The following TSPEAR variants were observed in gnomAD, a reference collection of about 807,000 sequenced individuals.
The protein encoded by TSPEAR is thrombospondin type laminin G domain and EAR repeats, also known as thrombospondin-type laminin G domain and EAR repeat-containing protein.
Under a neutral mutation model 71.6 loss-of-function variants are expected in TSPEAR, and 69 were observed. That is an observed-to-expected ratio of 0.96 (90% confidence interval 0.79 to 1.18). TSPEAR has a LOEUF of 1.18. TSPEAR is among the 50% of genes most tolerant of loss of function. The pLI is 0.00. For synonymous variants in TSPEAR, 402 were observed against 387.2 expected (o/e 1.04, Z -0.45); for missense variants, 971 against 894.9 (o/e 1.09, Z -1.09).
intron 1 of TSPEAR, chr21:44,677,136 T>G: frequency 1.4e-6 from 1 of 714,916 alleles, no homozygotes. Flanking sequence ...CCAGATCAAC[T>G]ATCATGTTGT....
At position 44,607,562 on chromosome 21, in the gene TSPEAR, C is replaced by A. The variant is rs374697624; in HGVS notation, c.83-39557G>T. ...ACGACGTTGTGGTAGGCAAAGACTTCGGGAACGGGGTAAAAATGCCACACA... is the reference window on the plus strand; with the variant it reads ...ACGACGTTGTGGTAGGCAAAGACTTAGGGAACGGGGTAAAAATGCCACACA... On this transcript the variant is annotated intron_variant, in intron 1 of 11. Coordinates refer to ENST00000323084, the MANE Select transcript of TSPEAR (RefSeq NM_144991.3). 5.3e-5 allele frequency among the ~76,000 whole-genome samples: 8 copies of A among 152,244 alleles called. 1 individual carries two copies. The highest frequency in any genetic ancestry group is 1.3e-4 in the Admixed American group (2 of 15,288).
chr21:44,689,734 T>TATATATATATATATATATATAA (rs1200945937), intron 1 of TSPEAR, among the ~76,000 whole-genome samples: 51 of 123,530 alleles, frequency 4.1e-4, no homozygotes, highest in Non-Finnish European at 7.1e-4. Flanking sequence ...TATATATATA[T>TATATATATATATATATATATAA]ATATATTTTG....
chr21:44,685,426 C>G (rs1986810552), intron 1 of TSPEAR, among the ~76,000 whole-genome samples: 1 of 152,070 alleles, frequency 6.6e-6, no homozygotes, highest in Non-Finnish European at 1.5e-5. Flanking sequence ...TCCTCACTTT[C>G]CCCCAAGCTG....
chr21:44,504,986 C>T, intron 10 of TSPEAR, 105 bp from the exon 11 acceptor site: 1 of 790,988 alleles, frequency 1.3e-6, no homozygotes, highest in Non-Finnish European at 2.2e-6. Context: ...GAGCCGGGGC[C>T]AAAGTGGGGA....
At chr21:44,657,991 CA>C in intron 1 of TSPEAR, 1 of 1,613,372 alleles carries the variant, frequency 6.2e-7, no homozygotes, top group African/African-American at 1.3e-5. Flanking sequence ...TGTGCCACAC[CA>C]GCTGCTCCCC....
chr21:44,574,987 C>G (rs1555923706), intron 1 of TSPEAR: 8 of 1,610,384 alleles, frequency 5.0e-6, no homozygotes, highest in Admixed American at 3.3e-5. Context: ...TCCCGCCCAG[C>G]CTGCTGAGGC....
intron 1 of TSPEAR, among the ~76,000 whole-genome samples, chr21:44,694,683 G>A (rs1192373577): frequency 2.0e-5 from 3 of 152,188 alleles, no homozygotes; most frequent in African/African-American, 7.2e-5. Context: ...GGAAGAATAG[G>A]CAGTTTTAGC....
intron 9 of TSPEAR, among the ~76,000 whole-genome samples, chr21:44,516,738 T>G (rs587756332): frequency 2.6e-5 from 4 of 152,290 alleles, no homozygotes; most frequent in Middle Eastern, 3.4e-3. Flanking sequence ...CAGTCCCCCA[T>G]GCCAGGCAAA....
In TSPEAR at chr21:44,699,250, C is replaced by T. The variant is rs1053106193; in HGVS notation, c.82+12183G>A. ...AAATACATAGCTGGGCATGGTGGCA[C>T]GAACCTGTAGTCCCAGCTACTCAGG... On this transcript the variant is annotated intron_variant, in intron 1 of 11. Coordinates refer to ENST00000323084, the MANE Select transcript of TSPEAR (RefSeq NM_144991.3). Among the ~76,000 whole-genome samples, 12 of 151,408 alleles carry T rather than the reference C, an allele frequency of 7.9e-5. No homozygotes were observed. In the South Asian group the frequency reaches 1.7e-3, roughly 21 times the overall value.
intron 11 of TSPEAR, 130 bp from the exon 12 acceptor site, chr21:44,500,066 C>CAAT: frequency 1.1e-6 from 1 of 943,438 alleles, no homozygotes. Context: ...ATCCCCCCGA[C>CAAT]TGGCACAGCG....
intron 1 of TSPEAR, chr21:44,638,417 C>T (rs1983806995): frequency 2.5e-6 from 1 of 400,982 alleles, no homozygotes. Flanking sequence ...GGGCAGCACC[C>T]CCTCTAGTTC....
At chr21:44,647,576 T>A in intron 1 of TSPEAR, 1 of 618,306 alleles carries the variant, frequency 1.6e-6, no homozygotes. Context: ...TGGAGCCCCC[T>A]TCTCCAAATG....
chr21:44,502,224 C>G (rs2052045773), intron 11 of TSPEAR, among the ~76,000 whole-genome samples: 1 of 152,226 alleles, frequency 6.6e-6, no homozygotes, highest in Non-Finnish European at 1.5e-5. Context: ...CGGCCATGCT[C>G]AGATGTGCTC....
intron 11 of TSPEAR, among the ~76,000 whole-genome samples, chr21:44,502,401 CTTT>C (rs1271938174): frequency 1.3e-5 from 2 of 152,194 alleles, no homozygotes; most frequent in Non-Finnish European, 2.9e-5. Context: ...CCCTGAGAAT[CTTT>C]TTAAGAAAAG....
intron 9 of TSPEAR, chr21:44,518,554 C>T: frequency 2.3e-6 from 1 of 439,938 alleles, no homozygotes; most frequent in South Asian, 1.6e-5. Context: ...ACAGCAGCCT[C>T]TCCGTGGCAC....
intron 1 of TSPEAR, among the ~76,000 whole-genome samples, chr21:44,621,685 C>G (rs1439503698): frequency 6.6e-6 from 1 of 152,220 alleles, no homozygotes; most frequent in Non-Finnish European, 1.5e-5. Flanking sequence ...AAATTTAAGA[C>G]TGGTATTATT....
intron 1 of TSPEAR, among the ~76,000 whole-genome samples, chr21:44,648,678 G>C (rs1555940774): frequency 6.6e-6 from 1 of 152,232 alleles, no homozygotes; most frequent in African/African-American, 2.4e-5. Context: ...TGTGCAGCCA[G>C]CGGGCAGACG....
At chr21:44,645,340 G>A (rs961386756) in intron 1 of TSPEAR, among the ~76,000 whole-genome samples, 9 of 145,580 alleles carry the variant, frequency 6.2e-5, no homozygotes, top group Non-Finnish European at 8.9e-5. Context: ...GTGAGGGATC[G>A]AAGGGAGGGC....
chr21:44,563,588 C>CA (rs60058857), intron 2 of TSPEAR, among the ~76,000 whole-genome samples: 64,536 of 151,000 alleles, frequency 0.43, 15,048 homozygotes, highest in Non-Finnish European at 0.53. Flanking sequence ...ACAGTGGTGA[C>CA]AAAAAAAACC....
Sources: gnomAD v4.1 joint callset for allele counts (sites outside exome capture counted in the v4.1 genomes callset) on GRCh38, gnomAD v4.1.1 for gene constraint, MANE v1.5 for transcripts, NCBI Gene and HGNC (gene_info 2026-07-23, HGNC 2026-07-21) for gene names.